APBA1: variants seen among roughly 807,000 people sequenced by gnomAD.
APBA1 encodes amyloid beta precursor protein binding family A member 1, also known as amyloid-beta A4 precursor protein-binding family A member 1.
In APBA1, 55 loss-of-function variants were observed where a neutral mutation model predicts 86.6. That is an observed-to-expected ratio of 0.64 (90% confidence interval 0.51 to 0.80). The LOEUF is 0.80. Ranked by LOEUF, APBA1 falls within the 30% of genes least tolerant of loss-of-function variation. APBA1 has a pLI of 0.00. For missense variants in APBA1, 1,090 were observed against 1,183.0 expected, an observed-to-expected ratio of 0.92 and a Z score of 1.15; for synonymous variants, 511 against 493.9, an observed-to-expected ratio of 1.03 and a Z score of -0.46.
chr9:69,638,041 C>A (rs1343084649), intron 1 of APBA1, among the ~76,000 whole-genome samples: 2 of 152,326 alleles, frequency 1.3e-5, no homozygotes, highest in East Asian at 3.9e-4. Context: ...CACAACTGAG[C>A]AGCATTGGCA....
At chr9:69,554,962 G>T (rs1345761181) in intron 1 of APBA1, among the ~76,000 whole-genome samples, 6 of 152,156 alleles carry the variant, frequency 3.9e-5, no homozygotes, top group Admixed American at 6.5e-5. Flanking sequence ...ATAGCATGGA[G>T]ACAGACTAAG....
At chr9:69,549,096 G>C (rs1836743908) in intron 1 of APBA1, among the ~76,000 whole-genome samples, 1 of 152,216 alleles carries the variant, frequency 6.6e-6, no homozygotes, top group Non-Finnish European at 1.5e-5. Context: ...AATGAGTGAA[G>C]CAAGCCAGGT....
At chr9:69,491,916 C>T (rs905158212) in intron 2 of APBA1, among the ~76,000 whole-genome samples, 7 of 151,842 alleles carry the variant, frequency 4.6e-5, no homozygotes, top group African/African-American at 7.3e-5. Context: ...AGGCATCCAC[C>T]ACCACACCCA....
At chr9:69,545,258 C>A (rs7858171) in intron 1 of APBA1, among the ~76,000 whole-genome samples, 125,055 of 152,210 alleles carry the variant, frequency 0.82, 51,488 homozygotes, top group East Asian at 0.91. Flanking sequence ...GGAGAAAGAA[C>A]GGACAGATGT....
intron 1 of APBA1, among the ~76,000 whole-genome samples, chr9:69,562,018 G>A (rs955114175): frequency 1.3e-5 from 2 of 152,078 alleles, no homozygotes; most frequent in African/African-American, 2.4e-5. Context: ...TGGGGGGAAG[G>A]TGATACATTT....
At chr9:69,638,327 G>A (rs562920680) in intron 1 of APBA1, among the ~76,000 whole-genome samples, 26 of 152,268 alleles carry the variant, frequency 1.7e-4, no homozygotes, top group African/African-American at 5.3e-4. Context: ...CGCAACATCC[G>A]CCTCCTGGGT....
chr9:69,475,007 C>T (rs1340989065), intron 3 of APBA1, among the ~76,000 whole-genome samples: 8 of 152,132 alleles, frequency 5.3e-5, no homozygotes, highest in Non-Finnish European at 1.0e-4. Flanking sequence ...GATGAGAGAG[C>T]AGCTATATTT....
At chr9:69,606,762 G>T (rs544699378) in intron 1 of APBA1, among the ~76,000 whole-genome samples, 1 of 152,026 alleles carries the variant, frequency 6.6e-6, no homozygotes, top group African/African-American at 2.4e-5. Context: ...AAAGTGCTGG[G>T]ATTACAGGCT....
At position 69,608,091 on chromosome 9, in the gene APBA1, G is replaced by A. The variant is rs186268110; in HGVS notation, c.-70+64062C>T. ...TACTCTGATCACAATAGATTATCAC[G>A]TTTACTTAATTGGAAGTGCATGATA... On this transcript the variant is annotated intron_variant, in intron 1 of 12. Coordinates refer to ENST00000265381, the MANE Select transcript of APBA1 (RefSeq NM_001163.4). Among the ~76,000 whole-genome samples, 18 of 152,214 alleles carry A rather than the reference G, an allele frequency of 1.2e-4. No individual in the cohort carries two copies. In the East Asian group the frequency reaches 2.5e-3, roughly 21 times the overall value.
chr9:69,594,195 C>G (rs775752051), intron 1 of APBA1, among the ~76,000 whole-genome samples: 2 of 152,088 alleles, frequency 1.3e-5, no homozygotes, highest in Non-Finnish European at 2.9e-5. Flanking sequence ...CAGCAACAGA[C>G]AAGAGCCATG....
chr9:69,667,411 GCT>G (rs938659750), intron 1 of APBA1, among the ~76,000 whole-genome samples: 1 of 151,906 alleles, frequency 6.6e-6, no homozygotes, highest in Non-Finnish European at 1.5e-5. Flanking sequence ...TTGACTCACT[GCT>G]CTGTTTCCAC....
intron 1 of APBA1, among the ~76,000 whole-genome samples, chr9:69,660,317 A>G (rs1823726421): frequency 6.6e-6 from 1 of 152,214 alleles, no homozygotes; most frequent in African/African-American, 2.4e-5. Flanking sequence ...AGTCAAATGC[A>G]TGGAGTTCTG....
At chr9:69,599,868 G>A (rs887579355) in intron 1 of APBA1, among the ~76,000 whole-genome samples, 1 of 152,200 alleles carries the variant, frequency 6.6e-6, no homozygotes, top group Non-Finnish European at 1.5e-5. Context: ...GGGAGAGGAC[G>A]ATCAGGAGGC....
chr9:69,475,740 C>A (rs1353193781), intron 3 of APBA1, among the ~76,000 whole-genome samples: 1 of 152,248 alleles, frequency 6.6e-6, no homozygotes, highest in African/African-American at 2.4e-5. Flanking sequence ...TGCTGTTCAA[C>A]AGAATTTCCT....
chr9:69,662,898 A>G (rs1285984689), intron 1 of APBA1, among the ~76,000 whole-genome samples: 1 of 152,220 alleles, frequency 6.6e-6, no homozygotes, highest in Non-Finnish European at 1.5e-5. Flanking sequence ...TTCCACACTA[A>G]TGTAATTTCT....
At chr9:69,458,942 G>T (rs1399877214) in intron 5 of APBA1, among the ~76,000 whole-genome samples, 3 of 152,090 alleles carry the variant, frequency 2.0e-5, no homozygotes, top group Non-Finnish European at 2.9e-5. Flanking sequence ...GAGTAGCTGG[G>T]ATTATAGGCA....
chr9:69,439,688 T>G (rs1428445078), intron 11 of APBA1, among the ~76,000 whole-genome samples: 1 of 152,072 alleles, frequency 6.6e-6, no homozygotes, highest in Non-Finnish European at 1.5e-5. Flanking sequence ...ATTCGTCTAA[T>G]TTTTTTTCAA....
intron 2 of APBA1, among the ~76,000 whole-genome samples, chr9:69,493,382 ACTC>A (rs1195073712): frequency 1.3e-5 from 2 of 151,842 alleles, no homozygotes; most frequent in East Asian, 3.9e-4. Flanking sequence ...TCCTGTCTGA[ACTC>A]CTCACATACA....
At chr9:69,503,076 T>A in intron 2 of APBA1, among the ~76,000 whole-genome samples, 1 of 152,124 alleles carries the variant, frequency 6.6e-6, no homozygotes, top group East Asian at 1.9e-4. Context: ...AGTGCACTCA[T>A]CTTACCATAT....
Sources: gnomAD v4.1 joint callset for allele counts (sites outside exome capture counted in the v4.1 genomes callset) on GRCh38, gnomAD v4.1.1 for gene constraint, MANE v1.5 for transcripts, NCBI Gene and HGNC (gene_info 2026-07-23, HGNC 2026-07-21) for gene names.